The following MACROD2 variants were observed in gnomAD, a reference collection of about 807,000 sequenced individuals.
MACROD2 encodes mono-ADP ribosylhydrolase 2, also known as ADP-ribose glycohydrolase MACROD2.
Under a neutral mutation model 70.4 loss-of-function variants are expected in MACROD2, and 36 were observed. The ratio of observed to expected loss-of-function variants is 0.51; its 90% CI spans 0.39 to 0.68. The LOEUF (loss-of-function observed/expected upper bound fraction) is 0.68. Ranked by LOEUF, MACROD2 falls within the 30% of genes least tolerant of loss-of-function variation. The pLI is 0.00. For synonymous variants in MACROD2, 172 were observed against 178.8 expected, an observed-to-expected ratio of 0.96 and a Z score of 0.30; for missense variants, 496 against 538.4, an observed-to-expected ratio of 0.92 and a Z score of 0.78.
chr20:14,932,043 C>A (rs2074300882), intron 5 of MACROD2, among the ~76,000 whole-genome samples: 1 of 149,428 alleles, frequency 6.7e-6, no homozygotes, highest in Non-Finnish European at 1.5e-5. Flanking sequence ...AGCAAACCAG[C>A]AAAAAGTTAA....
chr20:14,127,361 G>T (rs2148696552), intron 3 of MACROD2: 1 of 353,906 alleles, frequency 2.8e-6, no homozygotes, highest in East Asian at 4.9e-5. Context: ...GTCCCTACTT[G>T]CTTCTTGCTG....
chr20:15,513,571 T>C (rs2047528508), intron 8 of MACROD2, among the ~76,000 whole-genome samples: 1 of 152,204 alleles, frequency 6.6e-6, no homozygotes, highest in African/African-American at 2.4e-5. Flanking sequence ...TGCGTGTGTG[T>C]GTGTGCGTGC....
At chr20:15,511,825 C>T (rs966463711) in intron 8 of MACROD2, among the ~76,000 whole-genome samples, 2 of 152,174 alleles carry the variant, frequency 1.3e-5, no homozygotes, top group Non-Finnish European at 2.9e-5. Context: ...CTATTCCTCA[C>T]CTGTAAGATA....
chr20:14,051,888 A>C (rs1417802018), intron 2 of MACROD2: 1 of 516,350 alleles, frequency 1.9e-6, no homozygotes, highest in Non-Finnish European at 3.9e-6. Flanking sequence ...TGCCACATCT[A>C]CTATAAACTT....
chr20:14,191,994 G>T (rs1185977223), intron 3 of MACROD2, among the ~76,000 whole-genome samples: 1 of 151,742 alleles, frequency 6.6e-6, no homozygotes, highest in Non-Finnish European at 1.5e-5. Flanking sequence ...GGAGGGGGAG[G>T]GGGAGGGGCA....
intron 3 of MACROD2, among the ~76,000 whole-genome samples, chr20:14,248,826 T>C (rs1314790347): frequency 6.6e-6 from 1 of 152,058 alleles, no homozygotes; most frequent in African/African-American, 2.4e-5. Flanking sequence ...TTTTTTTTTG[T>C]ATATATTCTT....
chr20:15,912,790 A>G (rs2065256072), intron 10 of MACROD2, among the ~76,000 whole-genome samples: 1 of 152,250 alleles, frequency 6.6e-6, no homozygotes, highest in Admixed American at 6.5e-5. Flanking sequence ...ATGATTTGAC[A>G]TTGAATGGTA....
At chr20:14,016,380 A>G (rs2148620819) in intron 2 of MACROD2, among the ~76,000 whole-genome samples, 1 of 152,232 alleles carries the variant, frequency 6.6e-6, no homozygotes, top group East Asian at 1.9e-4. Flanking sequence ...CACTCTCTTA[A>G]TAGTGTCCTT....
At chr20:15,718,859 G>A (rs1348295022) in intron 8 of MACROD2, among the ~76,000 whole-genome samples, 2 of 152,146 alleles carry the variant, frequency 1.3e-5, no homozygotes, top group Admixed American at 6.6e-5. Context: ...TAAGATTGTT[G>A]GTTATCATCT....
At chr20:14,528,263 C>T (rs2085257657) in intron 4 of MACROD2, among the ~76,000 whole-genome samples, 1 of 151,562 alleles carries the variant, frequency 6.6e-6, no homozygotes. Context: ...GCATGCGCCA[C>T]CACACCTGGC....
rs1305957622 is a variant in MACROD2 at position 15,900,522 on chromosome 20, CCA to C, written c.775+14714_775+14715del. On this transcript the variant is annotated intron_variant, in intron 10 of 17. Coordinates refer to ENST00000684519, the MANE Select transcript of MACROD2 (RefSeq NM_001351661.2). ...TCCCCATGCTTACCCATTAAACAGACCACAGAGTCCTGTTTCAGAGTCAGCTC... is the reference window on the plus strand; with the variant it reads ...TCCCCATGCTTACCCATTAAACAGACCAGAGTCCTGTTTCAGAGTCAGCTC... Among the ~76,000 whole-genome samples, 6 of 152,150 alleles carry C rather than the reference CCA, an allele frequency of 3.9e-5. No individual in the cohort carries two copies. The South Asian group carries it at 1.2e-3, about 32-fold the overall frequency.
chr20:15,962,935 G>C (rs2066083974), intron 12 of MACROD2, among the ~76,000 whole-genome samples: 1 of 152,198 alleles, frequency 6.6e-6, no homozygotes, highest in African/African-American at 2.4e-5. Flanking sequence ...CTGGGAATGT[G>C]TTGCAGGATA....
intron 2 of MACROD2, among the ~76,000 whole-genome samples, chr20:14,083,375 A>G (rs1466167928): frequency 3.1e-3 from 472 of 151,742 alleles, no homozygotes; most frequent in Non-Finnish European, 5.4e-3. Context: ...GTAAGCTGAG[A>G]CTGTGCCATT....
chr20:14,720,589 C>T (rs1488279349), intron 5 of MACROD2, among the ~76,000 whole-genome samples: 2 of 94,152 alleles, frequency 2.1e-5, no homozygotes, highest in African/African-American at 8.3e-5. Context: ...GAGTCTCGCT[C>T]TGTTGCCAGG....
intron 8 of MACROD2, among the ~76,000 whole-genome samples, chr20:15,709,058 G>A (rs2146911730): frequency 6.6e-6 from 1 of 152,182 alleles, no homozygotes; most frequent in South Asian, 2.1e-4. Flanking sequence ...ATAATGCCAG[G>A]AGTTTTTCTC....
At chr20:14,949,584 C>T (rs944102994) in intron 5 of MACROD2, among the ~76,000 whole-genome samples, 3 of 152,160 alleles carry the variant, frequency 2.0e-5, no homozygotes, top group Admixed American at 6.6e-5. Context: ...GTAATGCAGA[C>T]GCTTGTCCAA....
At chr20:14,083,296 G>A (rs902467637) in intron 2 of MACROD2, among the ~76,000 whole-genome samples, 4 of 151,896 alleles carry the variant, frequency 2.6e-5, no homozygotes, top group African/African-American at 9.7e-5. Context: ...GGTGGTGGGT[G>A]CCTGTAATCC....
intron 3 of MACROD2, among the ~76,000 whole-genome samples, chr20:14,086,637 G>A (rs566864086): frequency 1.3e-5 from 2 of 152,302 alleles, no homozygotes; most frequent in South Asian, 4.1e-4. Context: ...GCTTCAGGGT[G>A]GACCAAAGTT....
At chr20:15,987,551 A>G (rs2066503737) in intron 15 of MACROD2, among the ~76,000 whole-genome samples, 1 of 152,166 alleles carries the variant, frequency 6.6e-6, no homozygotes, top group South Asian at 2.1e-4. Flanking sequence ...TCCTTAGTAT[A>G]GTAGTGATGA....
Sources: gnomAD v4.1 joint callset for allele counts (sites outside exome capture counted in the v4.1 genomes callset) on GRCh38, gnomAD v4.1.1 for gene constraint, MANE v1.5 for transcripts, NCBI Gene and HGNC (gene_info 2026-07-23, HGNC 2026-07-21) for gene names.